NRP2: variants seen among roughly 807,000 people sequenced by gnomAD.
The protein encoded by NRP2 is neuropilin 2.
NRP2 carries 52 observed loss-of-function variants against 110.4 expected under a neutral mutation model. The observed-to-expected ratio is 0.47, with a 90% CI of 0.38 to 0.59. NRP2 has a LOEUF of 0.59. NRP2 is among the 20% of genes least tolerant of loss of function. The pLI is 0.00. For missense variants in NRP2, 1,049 were observed against 1,203.0 expected, an observed-to-expected ratio of 0.87 and a Z score of 1.89; for synonymous variants, 508 against 468.9, an observed-to-expected ratio of 1.08 and a Z score of -1.08.
At chr2:205,694,140 A>C (rs1485124889) in intron 1 of NRP2, among the ~76,000 whole-genome samples, 1 of 152,228 alleles carries the variant, frequency 6.6e-6, no homozygotes, top group East Asian at 1.9e-4. Context: ...CCCTAGGCAG[A>C]GGCAGATGGT....
intron 15 of NRP2, among the ~76,000 whole-genome samples, chr2:205,784,832 A>G (rs565175397): frequency 2.6e-5 from 4 of 152,306 alleles, no homozygotes; most frequent in African/African-American, 7.2e-5. Flanking sequence ...GCCTTCTTCA[A>G]AAAAGCATGG....
intron 15 of NRP2, among the ~76,000 whole-genome samples, chr2:205,790,186 G>T (rs2058283053): frequency 6.6e-6 from 1 of 152,140 alleles, no homozygotes; most frequent in Non-Finnish European, 1.5e-5. Flanking sequence ...GCTGCATCTG[G>T]GCAATTGATT....
intron 7 of NRP2, among the ~76,000 whole-genome samples, chr2:205,733,876 T>C (rs2057289880): frequency 6.6e-6 from 1 of 151,946 alleles, no homozygotes; most frequent in Non-Finnish European, 1.5e-5. Flanking sequence ...ATCCTGTTAG[T>C]ATGCTGTGTT....
intron 2 of NRP2, among the ~76,000 whole-genome samples, chr2:205,711,342 C>T (rs561497973): frequency 9.2e-5 from 14 of 152,114 alleles, no homozygotes; most frequent in Non-Finnish European, 1.8e-4. Context: ...GGTATATTGA[C>T]AAGACCTTTC....
rs536882395 is a variant in NRP2, at chr2:205,714,445, G to A, written c.252-1748G>A. 3.3e-5 allele frequency among the ~76,000 whole-genome samples: 5 copies of A among 152,342 alleles called. No homozygotes were observed. In the East Asian group the frequency reaches 7.7e-4, roughly 24 times the overall value. On this transcript the variant is annotated intron_variant, in intron 2 of 16. Coordinates refer to ENST00000357785, the MANE Select transcript of NRP2 (RefSeq NM_003872.3). ...TGCCAGGGCATCACCATTGCTCACAGGAATGTGTCTGTCCAGCAGTGCTTG... is the reference window on the plus strand; with the variant it reads ...TGCCAGGGCATCACCATTGCTCACAAGAATGTGTCTGTCCAGCAGTGCTTG...
chr2:205,733,985 C>G (rs947656299), intron 7 of NRP2, among the ~76,000 whole-genome samples: 38 of 152,266 alleles, frequency 2.5e-4, no homozygotes, highest in African/African-American at 7.5e-4. Flanking sequence ...CCCCGCCCCC[C>G]AGAACGCAGC....
intron 11 of NRP2, among the ~76,000 whole-genome samples, chr2:205,751,757 C>G (rs748828251): frequency 3.9e-5 from 6 of 152,162 alleles, no homozygotes; most frequent in Non-Finnish European, 8.8e-5. Flanking sequence ...AACCTGCATT[C>G]TAAGCCTTCC....
At chr2:205,776,951 T>A in intron 15 of NRP2, 5 of 1,135,282 alleles carry the variant, frequency 4.4e-6, no homozygotes, top group Non-Finnish European at 5.5e-6. Context: ...AGTAGACATG[T>A]GTGTGTGTGA....
intron 7 of NRP2, among the ~76,000 whole-genome samples, chr2:205,739,682 CTTTTTTTTTTT>C (rs3047659): frequency 8.0e-6 from 1 of 124,952 alleles, no homozygotes. Context: ...GCTCTAGTTA[CTTTTTTTTTTT>C]TTTTTTTTTG....
At chr2:205,753,523 G>A (rs188148847) in intron 12 of NRP2, among the ~76,000 whole-genome samples, 39 of 152,284 alleles carry the variant, frequency 2.6e-4, no homozygotes, top group Non-Finnish European at 2.9e-5. Context: ...GAGTATTGCT[G>A]TAAGTCCTGG....
intron 3 of NRP2, among the ~76,000 whole-genome samples, chr2:205,720,537 G>T (rs1477677241): frequency 1.3e-5 from 2 of 152,158 alleles, no homozygotes; most frequent in Non-Finnish European, 2.9e-5. Flanking sequence ...CTCTAAGAGG[G>T]CATGTCAGGA....
chr2:205,690,016 AGAGTGCACGAGGCTGCCGGCCAGCT>A (rs1215860591), intron 1 of NRP2, among the ~76,000 whole-genome samples: 4 of 152,254 alleles, frequency 2.6e-5, no homozygotes, highest in Non-Finnish European at 5.9e-5. Flanking sequence ...TCGGTAGCAC[AGAGTGCACGAGGCTGCCGGCCAGCT>A]GAGTGCACGT....
chr2:205,717,053 G>A (rs1016185319), intron 3 of NRP2, among the ~76,000 whole-genome samples: 14 of 152,196 alleles, frequency 9.2e-5, no homozygotes, highest in Non-Finnish European at 1.5e-4. Context: ...TTACTTTAGG[G>A]CCTGAGAATA....
At chr2:205,696,681 G>A (rs1395222520) in intron 1 of NRP2, among the ~76,000 whole-genome samples, 1 of 152,216 alleles carries the variant, frequency 6.6e-6, no homozygotes, top group East Asian at 1.9e-4. Flanking sequence ...GGTACAGGGA[G>A]CCAGCCCTTC....
chr2:205,733,373 T>C (rs2057279175), intron 7 of NRP2, among the ~76,000 whole-genome samples: 1 of 152,182 alleles, frequency 6.6e-6, no homozygotes, highest in Non-Finnish European at 1.5e-5. Context: ...ACAGAGGGGA[T>C]GTGGAAGGGC....
chr2:205,694,927 GAT>G (rs1266795664), intron 1 of NRP2, among the ~76,000 whole-genome samples: 1 of 152,176 alleles, frequency 6.6e-6, no homozygotes, highest in Non-Finnish European at 1.5e-5. Flanking sequence ...TATCTTTGTG[GAT>G]ATATGTTTGT....
At chr2:205,747,682 C>A (rs774889447) in intron 10 of NRP2, among the ~76,000 whole-genome samples, 3 of 152,098 alleles carry the variant, frequency 2.0e-5, no homozygotes, top group Non-Finnish European at 4.4e-5. Context: ...AGGAAACAGC[C>A]CCAGAAGGTA....
At chr2:205,784,863 T>C (rs1162990853) in intron 15 of NRP2, among the ~76,000 whole-genome samples, 5 of 152,238 alleles carry the variant, frequency 3.3e-5, no homozygotes, top group Non-Finnish European at 1.5e-5. Flanking sequence ...TTCACACAAA[T>C]GCCGCATGGC....
At chr2:205,784,059 AT>A (rs1212241128) in intron 15 of NRP2, among the ~76,000 whole-genome samples, 1 of 140,152 alleles carries the variant, frequency 7.1e-6, no homozygotes, top group East Asian at 2.2e-4. Flanking sequence ...ATTGCGCAAA[AT>A]TAAATCCTTT....
Sources: allele counts gnomAD v4.1 joint callset (sites outside exome capture counted in the v4.1 genomes callset), GRCh38; gene constraint gnomAD v4.1.1; transcripts MANE v1.5; gene names NCBI Gene and HGNC (gene_info 2026-07-23, HGNC 2026-07-21).